STT3B: variants seen among roughly 807,000 people sequenced by gnomAD.
STT3B encodes the protein dolichyl-diphosphooligosaccharide--protein glycosyltransferase subunit STT3B.
Under a neutral mutation model 96.8 loss-of-function variants are expected in STT3B, and 29 were observed. The ratio of observed to expected loss-of-function variants is 0.30; its 90% CI spans 0.22 to 0.41. STT3B has a LOEUF of 0.41. Ranked by LOEUF, STT3B falls within the 10% of genes least tolerant of loss-of-function variation. The pLI, the probability that STT3B is intolerant of heterozygous loss-of-function variation, is 1.00. For synonymous variants in STT3B, 367 were observed against 360.0 expected (o/e 1.02, Z -0.22); for missense variants, 640 against 1,022.3 (o/e 0.63, Z 5.10).
rs899662192 is a variant in STT3B, at chr3:31,637,315, T to C, written c.*1251T>C. On this transcript the variant is annotated 3_prime_UTR_variant, in exon 16 of 16. Transcript: ENST00000295770. The stretch of plus-strand genomic sequence containing the variant: ...CACACCACTGCTTTTGGTGGAAAAG[T>C]GCAGAATAGTATGTACCTTTTATGA... The C allele has an allele frequency of 1.3e-5, 2 of 152,176 alleles. No homozygotes were observed. The highest frequency in any genetic ancestry group is 6.5e-5 in the Admixed American group (1 of 15,278). The allele number at this position is 152,176 out of a possible 1,614,324, so 9.4% of individuals were successfully genotyped here.
In STT3B at chr3:31,533,014, GC is replaced by G; in HGVS notation, c.20del (p.Pro7ArgfsTer117). 1 of 1,589,298 alleles carries G rather than the reference GC, an allele frequency of 6.3e-7. No homozygotes were observed. Among genetic ancestry groups the G allele is most frequent in the South Asian group, 1.1e-5 (1 of 89,970 alleles). MAEPS[A>X]PESKHKSSLN... Reference sequence around the variant, plus strand: ...GGGGCACAACATGGCGGAGCCCTCGGCCCCGGAGAGCAAGCACAAGTCGTCC... The same window carrying G: ...GGGGCACAACATGGCGGAGCCCTCGGCCCGGAGAGCAAGCACAAGTCGTCC... On this transcript the variant is annotated frameshift_variant, in exon 1 of 16. Coordinates refer to ENST00000295770, the MANE Select transcript of STT3B (RefSeq NM_178862.3). LOFTEE classifies it high-confidence loss of function.
intron 9 of STT3B, among the ~76,000 whole-genome samples, chr3:31,620,523 A>G (rs1427344031): frequency 1.3e-5 from 2 of 152,162 alleles, no homozygotes; most frequent in Non-Finnish European, 2.9e-5. Context: ...TTATAGCGGA[A>G]TAAGGATCAC....
chr3:31,584,305 C>G (rs549478360), intron 3 of STT3B, among the ~76,000 whole-genome samples: 1 of 152,308 alleles, frequency 6.6e-6, no homozygotes, highest in South Asian at 2.1e-4. Context: ...TATGCCACTA[C>G]CGCACAGTTT....
intron 1 of STT3B, among the ~76,000 whole-genome samples, chr3:31,574,690 A>G (rs1038694688): frequency 3.3e-5 from 5 of 152,290 alleles, no homozygotes; most frequent in African/African-American, 9.6e-5. Context: ...TTCTGATTTT[A>G]AAATTCCCCT....
intron 2 of STT3B, among the ~76,000 whole-genome samples, chr3:31,578,567 T>TC (rs144825146): frequency 0.073 from 11,140 of 151,732 alleles, 690 homozygotes; most frequent in East Asian, 0.32. Context: ...TGTTTTTTTT[T>TC]CCCCCCCAGT....
chr3:31,636,393 A>T lies in STT3B; in HGVS notation c.*329A>T, dbSNP rs1384012502. On this transcript the variant is annotated 3_prime_UTR_variant, in exon 16 of 16. Transcript: ENST00000295770. ...CTCTAATTTGGTCCCTGGCACATGC[A>T]TACTTGTCAATGTTTTTATTCTTTT... 5.2e-6 allele frequency: 1 copy of T among 190,754 alleles called. No homozygotes were observed. Among genetic ancestry groups the T allele is most frequent in the East Asian group, 1.3e-4 (1 of 7,942 alleles). The allele number at this position is 190,754 out of a possible 1,614,324, so 11.8% of individuals were successfully genotyped here.
Position 31,624,929 on chromosome 3 carries a change from AGAT to A in STT3B, c.1747_1749del (p.Asp583del). On this transcript the variant is annotated inframe_deletion, in exon 12 of 16. Transcript: ENST00000295770. ...TTCTTTTCAGCACCAGGAATATCTT[AGAT>A]GATTTTAGAGAAGCTTACTTTTGGC... The A allele has an allele frequency of 6.2e-7, 1 of 1,612,408 alleles. No homozygotes were observed. The highest frequency in any genetic ancestry group is 8.5e-7 in the Non-Finnish European group (1 of 1,178,932).
intron 5 of STT3B, among the ~76,000 whole-genome samples, chr3:31,610,807 A>G (rs537336436): frequency 2.0e-5 from 3 of 152,318 alleles, no homozygotes; most frequent in South Asian, 2.1e-4. Context: ...ATGTATATAC[A>G]TATCTTTCTA....
At chr3:31,631,587 A>G (rs912656729) in intron 14 of STT3B, among the ~76,000 whole-genome samples, 1 of 152,194 alleles carries the variant, frequency 6.6e-6, no homozygotes, top group Non-Finnish European at 1.5e-5. Context: ...AACTTTTGCT[A>G]TCATATAGAT....
Position 31,636,158 on chromosome 3 carries a change from C to A in STT3B, c.*94C>A. On this transcript the variant is annotated 3_prime_UTR_variant, in exon 16 of 16. Transcript: ENST00000295770. ...GTCGTGTTTCACAGCAAAGAGGGTA[C>A]AGAACCATCACTGGTCCAGGTTAAT... is the stretch of plus-strand genomic sequence containing the variant. 1 of 925,744 alleles carries A rather than the reference C, an allele frequency of 1.1e-6. No homozygotes were observed. Among genetic ancestry groups the A allele is most frequent in the Non-Finnish European group, 1.6e-6 (1 of 628,974 alleles). The allele number at this position is 925,744 out of a possible 1,614,324, so 57.3% of individuals were successfully genotyped here.
chr3:31,555,119 C>T (rs67743324), intron 1 of STT3B, among the ~76,000 whole-genome samples: 100,094 of 151,906 alleles, frequency 0.66, 34,097 homozygotes, highest in Non-Finnish European at 0.75. Flanking sequence ...TGTTTTGCAA[C>T]CTCTGGTTAG....
At chr3:31,600,172 G>A (rs182114473) in intron 4 of STT3B, among the ~76,000 whole-genome samples, 188 bp from the exon 5 acceptor site, 26 of 152,136 alleles carry the variant, frequency 1.7e-4, no homozygotes, top group Admixed American at 3.9e-4. Context: ...TTGTGGGATC[G>A]TGTTATTTTA....
intron 5 of STT3B, among the ~76,000 whole-genome samples, chr3:31,604,735 G>C (rs1451742068): frequency 6.6e-6 from 1 of 152,166 alleles, no homozygotes; most frequent in Non-Finnish European, 1.5e-5. Context: ...TCTTTTAAAA[G>C]TTTTGGAGAT....
intron 5 of STT3B, among the ~76,000 whole-genome samples, chr3:31,603,907 A>G (rs538742050): frequency 6.6e-6 from 1 of 152,244 alleles, no homozygotes; most frequent in South Asian, 2.1e-4. Flanking sequence ...ATTTTTTTTC[A>G]TACTTATTTC....
intron 3 of STT3B, among the ~76,000 whole-genome samples, chr3:31,585,681 G>A (rs1202751262): frequency 1.3e-5 from 2 of 151,908 alleles, no homozygotes; most frequent in African/African-American, 4.8e-5. Context: ...CTGTTTCTCT[G>A]TCTATATAGC....
intron 2 of STT3B, among the ~76,000 whole-genome samples, chr3:31,577,601 A>G (rs140588697): frequency 4.6e-4 from 70 of 152,246 alleles, no homozygotes; most frequent in African/African-American, 1.1e-3. Context: ...GATATATCCA[A>G]ATTTTTATAA....
intron 3 of STT3B, among the ~76,000 whole-genome samples, chr3:31,583,507 G>A (rs1698462493): frequency 6.6e-6 from 1 of 151,874 alleles, no homozygotes; most frequent in Non-Finnish European, 1.5e-5. Context: ...GAATTTTATA[G>A]AGTTAAAGTC....
intron 3 of STT3B, among the ~76,000 whole-genome samples, chr3:31,586,105 C>G (rs1409040315): frequency 6.6e-6 from 1 of 152,070 alleles, no homozygotes; most frequent in South Asian, 2.1e-4. Flanking sequence ...CTCTACTTTT[C>G]CATCAGATGG....
intron 3 of STT3B, among the ~76,000 whole-genome samples, chr3:31,587,785 A>G (rs1698576114): frequency 6.6e-6 from 1 of 152,132 alleles, no homozygotes; most frequent in Non-Finnish European, 1.5e-5. Context: ...TACTATAAGA[A>G]TTGCACAGAG....
Sources: gnomAD v4.1 joint callset for allele counts (sites outside exome capture counted in the v4.1 genomes callset) on GRCh38, gnomAD v4.1.1 for gene constraint, MANE v1.5 for transcripts, NCBI Gene and HGNC (gene_info 2026-07-23, HGNC 2026-07-21) for gene names.